The following CARF variants were observed in gnomAD, a reference collection of about 807,000 sequenced individuals.
CARF encodes calcium responsive transcription factor, also known as calcium-responsive transcription factor.
CARF carries 57 observed loss-of-function variants against 82.0 expected under a neutral mutation model. The ratio of observed to expected loss-of-function variants is 0.70; its 90% confidence interval spans 0.56 to 0.87. The LOEUF (loss-of-function observed/expected upper bound fraction) is 0.87. Ranked by LOEUF, CARF falls within the 40% of genes least tolerant of loss-of-function variation. The probability of loss-of-function intolerance (pLI) is 0.00; values close to 1 mark genes in which losing one functional copy is unlikely to be tolerated. For missense variants in CARF, 771 were observed against 855.8 expected (o/e 0.90, Z 1.24); for synonymous variants, 268 against 290.1 (o/e 0.92, Z 0.77).
chr2:202,971,283 A>C (rs1417393877), intron 11 of CARF, among the ~76,000 whole-genome samples: 1 of 152,106 alleles, frequency 6.6e-6, no homozygotes, highest in East Asian at 1.9e-4. Context: ...AATATTTACA[A>C]ATATTTTAAT....
intron 8 of CARF, among the ~76,000 whole-genome samples, chr2:202,959,466 T>C (rs752659505): frequency 6.6e-6 from 1 of 152,230 alleles, no homozygotes; most frequent in Non-Finnish European, 1.5e-5. Flanking sequence ...ATTCTAGGTC[T>C]CTGCATTTCA....
At chr2:202,966,604 G>A (rs1261045291) in intron 9 of CARF, among the ~76,000 whole-genome samples, 1 of 152,130 alleles carries the variant, frequency 6.6e-6, no homozygotes, top group Non-Finnish European at 1.5e-5. Flanking sequence ...CAGCTACTTG[G>A]GAGGCTGAGG....
chr2:202,919,591 G>A (rs1690403036), intron 2 of CARF, among the ~76,000 whole-genome samples: 1 of 152,166 alleles, frequency 6.6e-6, no homozygotes, highest in Non-Finnish European at 1.5e-5. Context: ...GTATGTTACG[G>A]TACTGCTTCT....
intron 10 of CARF, among the ~76,000 whole-genome samples, chr2:202,968,670 C>G (rs1203666249): frequency 6.6e-6 from 1 of 152,002 alleles, no homozygotes; most frequent in East Asian, 1.9e-4. Flanking sequence ...TTCCATCATT[C>G]TACAAGTACT....
At chr2:202,979,064 C>T (rs1354654827) in intron 14 of CARF, among the ~76,000 whole-genome samples, 5 of 152,096 alleles carry the variant, frequency 3.3e-5, no homozygotes, top group African/African-American at 1.2e-4. Context: ...TGAGACCAGC[C>T]TGGCCAACAT....
intron 3 of CARF, among the ~76,000 whole-genome samples, chr2:202,928,452 C>A (rs550188283): frequency 1.3e-5 from 2 of 152,100 alleles, no homozygotes; most frequent in African/African-American, 4.8e-5. Flanking sequence ...CAGCTTTCTC[C>A]TTGACTTACT....
chr2:202,987,440 T>C lies in CARF; in HGVS notation c.*3816T>C, dbSNP rs2060484522. On this transcript the variant is annotated 3_prime_UTR_variant, in exon 17 of 17. Transcript: ENST00000438828. ...TAATCTCTCCAGAAGGGATACTGCA[T>C]TGGTTCTTCTCCATCAGCTGGCTTA... Among the ~76,000 whole-genome samples, 1 of 152,164 alleles carries C rather than the reference T, an allele frequency of 6.6e-6. No homozygotes were observed.
chr2:202,972,642 A>T (rs1257241871), intron 12 of CARF, among the ~76,000 whole-genome samples: 1 of 137,452 alleles, frequency 7.3e-6, no homozygotes, highest in Non-Finnish European at 1.5e-5. Flanking sequence ...GCGCCACTGC[A>T]CTCTACCCTG....
intron 5 of CARF, 47 bp from the exon 6 acceptor site, chr2:202,952,511 AT>A: frequency 6.4e-7 from 1 of 1,555,150 alleles, no homozygotes. Flanking sequence ...TTTTTGTTAA[AT>A]CAGTCTAGGC....
chr2:202,918,293 G>C (rs1292160877), intron 2 of CARF, among the ~76,000 whole-genome samples: 1 of 152,128 alleles, frequency 6.6e-6, no homozygotes, highest in Non-Finnish European at 1.5e-5. Context: ...GGCCGAGGTG[G>C]GCGGATCACA....
chr2:202,942,069 AT>A, intron 4 of CARF, 89 bp downstream of exon 4: 1 of 1,039,158 alleles, frequency 9.6e-7, no homozygotes, highest in Non-Finnish European at 1.5e-6. Context: ...TAGCTGTTAT[AT>A]TTAGTGTATT....
Position 202,961,269 on chromosome 2 carries a change from A to C in CARF, c.675A>C (p.Val225=). 6.2e-7 allele frequency: 1 copy of C among 1,613,984 alleles called. No homozygotes were observed. The highest frequency in any genetic ancestry group is 1.1e-5 in the South Asian group (1 of 91,034). ...GAGATTCATACCGTGGCTACTGTGT[A>C]AGTGAGACTGAATTAGAAAGTGTCC... is the stretch of plus-strand genomic sequence containing the variant. ...KIGDSYRGYC[V]SETELESVLT... The change falls in exon 9 of 17, where the codon GTA becomes GTC. Residue 225 remains valine, a synonymous_variant. Transcript: ENST00000438828.
rs777796791 is a variant in CARF, at chr2:202,974,466, G to A, written c.1464G>A (p.Thr488=). ...EVQKSLRNGD[T]VYNSEIIPAT... ...AGAAATCCTTGAGAAATGGAGATAC[G>A]GTATATAACTCAGAGATTATTCCAG... The change falls in exon 13 of 17, where the codon ACG becomes ACA. Residue 488 remains threonine, a synonymous_variant. Coordinates refer to ENST00000438828, the MANE Select transcript of CARF (RefSeq NM_024744.17). The A allele has an allele frequency of 4.1e-5, 65 of 1,603,100 alleles. No individual in the cohort carries two copies. Among genetic ancestry groups the A allele is most frequent in the Non-Finnish European group, 5.0e-5 (59 of 1,176,986 alleles).
intron 5 of CARF, among the ~76,000 whole-genome samples, chr2:202,943,634 T>TCACACA (rs1421970396): frequency 1.8e-5 from 1 of 54,086 alleles, no homozygotes; most frequent in Non-Finnish European, 4.6e-5. Flanking sequence ...ACACACATAT[T>TCACACA]AGGCTAACTC....
rs1448821634 is a variant in CARF, at chr2:202,968,434, T to C, written c.953+1336T>C. Among the ~76,000 whole-genome samples, 7 of 152,034 alleles carry C rather than the reference T, an allele frequency of 4.6e-5. No homozygotes were observed. In the South Asian group the frequency reaches 1.5e-3, roughly 32 times the overall value. ...TAAAATAAAATAAATACCTTAGCAT[T>C]CTCAAGAAGTTTTTAAAGCCCATTT... On this transcript the variant is annotated intron_variant, in intron 10 of 16. Coordinates refer to ENST00000438828, the MANE Select transcript of CARF (RefSeq NM_024744.17).
At chr2:202,921,972 G>GCA (rs1690897856) in intron 2 of CARF, among the ~76,000 whole-genome samples, 1 of 150,092 alleles carries the variant, frequency 6.7e-6, no homozygotes, top group Non-Finnish European at 1.5e-5. Context: ...GGGACTATAG[G>GCA]CACTCACCAC....
intron 5 of CARF, 39 bp from the exon 6 acceptor site, chr2:202,952,520 G>A: frequency 1.2e-6 from 2 of 1,604,430 alleles, no homozygotes; most frequent in South Asian, 2.2e-5. Flanking sequence ...AATCAGTCTA[G>A]GCATATGCAT....
In CARF at chr2:202,915,740, T is replaced by G. The variant is rs1574438424; in HGVS notation, c.-329-2137T>G. Among the ~76,000 whole-genome samples, 4 of 152,316 alleles carry G rather than the reference T, an allele frequency of 2.6e-5. No individual in the cohort carries two copies. In the South Asian group the frequency reaches 8.3e-4, roughly 32 times the overall value. Reference sequence around the variant, plus strand: ...GCTCAGCCTCCCAAAGTGCTGGGATTACAGGCATGAGCCACTGCACCTAGC... The same window carrying G: ...GCTCAGCCTCCCAAAGTGCTGGGATGACAGGCATGAGCCACTGCACCTAGC... On this transcript the variant is annotated intron_variant, in intron 1 of 16. Transcript: ENST00000438828.
At chr2:202,952,386 T>C (rs2058795347) in intron 5 of CARF, among the ~76,000 whole-genome samples, 173 bp from the exon 6 acceptor site, 1 of 152,160 alleles carries the variant, frequency 6.6e-6, no homozygotes, top group African/African-American at 2.4e-5. Flanking sequence ...TTATAAGTTG[T>C]GAGACCTTGG....
Sources: gnomAD v4.1 joint callset for allele counts (sites outside exome capture counted in the v4.1 genomes callset) on GRCh38, gnomAD v4.1.1 for gene constraint, MANE v1.5 for transcripts, NCBI Gene and HGNC (gene_info 2026-07-23, HGNC 2026-07-21) for gene names.